CDHR2: variants seen among roughly 807,000 people sequenced by gnomAD.
The protein encoded by CDHR2 is cadherin-related family member 2.
CDHR2 carries 104 observed loss-of-function variants against 138.6 expected under a neutral mutation model. That is an observed-to-expected ratio of 0.75 (90% CI 0.64 to 0.88). The LOEUF is 0.88. Among genes scored for constraint, CDHR2 ranks in the 40% least tolerant of loss-of-function variants. The pLI is 0.00. For missense variants in CDHR2, 1,624 were observed against 1,727.6 expected (o/e 0.94, Z 1.06); for synonymous variants, 755 against 742.8 (o/e 1.02, Z -0.27).
chr5:176,551,077 C>T (rs934892197), intron 1 of CDHR2, among the ~76,000 whole-genome samples: 17 of 152,150 alleles, frequency 1.1e-4, no homozygotes, highest in African/African-American at 3.4e-4. Context: ...GGCGCTATCT[C>T]GGCTCACTGC....
At chr5:176,561,081 G>A (rs147388150) in intron 1 of CDHR2, among the ~76,000 whole-genome samples, 2,348 of 152,266 alleles carry the variant, frequency 0.015, 56 homozygotes, top group African/African-American at 0.053. Flanking sequence ...ACAATGAGAA[G>A]GGCAAGAGAC....
At chr5:176,584,153 T>C (rs763733470) in intron 17 of CDHR2, 37 bp from the exon 18 acceptor site, 2 of 1,586,104 alleles carry the variant, frequency 1.3e-6, no homozygotes, top group Non-Finnish European at 1.7e-6. Flanking sequence ...GAGGGTGAGA[T>C]TGGATCCCGG....
chr5:176,569,434 C>A (rs1758171922), intron 5 of CDHR2, among the ~76,000 whole-genome samples: 1 of 151,960 alleles, frequency 6.6e-6, no homozygotes, highest in Non-Finnish European at 1.5e-5. Flanking sequence ...CAGGCGCCAG[C>A]CACCACGCCC....
Position 176,584,244 on chromosome 5 carries a change from AAGG to A in CDHR2, c.2121_2123del (p.Glu707del). ...TCAGTCCAGCTACAACTTTACGGTG[AAGG>A]AGGAGGATCCAGGTATGTGCTCCCT... On this transcript the variant is annotated inframe_deletion, in exon 18 of 32. Coordinates refer to ENST00000261944, the MANE Select transcript of CDHR2 (RefSeq NM_017675.6). The A allele has an allele frequency of 6.2e-7, 1 of 1,613,938 alleles. No homozygotes were observed. The highest frequency in any genetic ancestry group is 8.5e-7 in the Non-Finnish European group (1 of 1,179,814).
At position 176,584,240 on chromosome 5, in the gene CDHR2, G is replaced by A. The variant is rs755808711; in HGVS notation, c.2109G>A (p.Thr703=). 112 of 1,613,964 alleles carry A rather than the reference G, an allele frequency of 6.9e-5. No homozygotes were observed. Among genetic ancestry groups the A allele is most frequent in the Non-Finnish European group, 8.6e-5 (102 of 1,179,976 alleles). ...PIFNQSSYNF[T]VKEEDPGVLV... is the part of the protein sequence containing the mutation. ...TCAATCAGTCCAGCTACAACTTTAC[G>A]GTGAAGGAGGAGGATCCAGGTATGT... The change falls in exon 18 of 32, where the codon ACG becomes ACA. Residue 703 remains threonine, a synonymous_variant. Coordinates refer to ENST00000261944, the MANE Select transcript of CDHR2 (RefSeq NM_017675.6).
chr5:176,594,390 G>A (rs965320876), intron 31 of CDHR2, among the ~76,000 whole-genome samples: 12 of 152,288 alleles, frequency 7.9e-5, no homozygotes, highest in African/African-American at 2.6e-4. Flanking sequence ...GGAATCTCTT[G>A]GTGCCCTGAC....
intron 17 of CDHR2, 152 bp downstream of exon 17, chr5:176,581,734 C>G (rs1355284565): frequency 7.1e-6 from 7 of 984,052 alleles, no homozygotes; most frequent in Non-Finnish European, 1.0e-5. Flanking sequence ...CTCAACCTCC[C>G]TAGGCACTCA....
intron 16 of CDHR2, 136 bp downstream of exon 16, chr5:176,578,744 C>T (rs759478564): frequency 2.0e-5 from 25 of 1,236,920 alleles, no homozygotes; most frequent in Non-Finnish European, 2.7e-5. Flanking sequence ...CTGTTTCCTC[C>T]CAGGAAATGA....
rs918072333 is a variant in CDHR2 at position 176,543,491 on chromosome 5, G to T, written c.-16+722G>T. On this transcript the variant is annotated intron_variant, in intron 1 of 31. Coordinates refer to the CDHR2 transcript ENST00000510636. The surrounding 1 kb of genome is among the most constrained non-coding windows in gnomAD (Gnocchi z 4.0). ...CCGCGCGAATGGAGCTGCCTGGACC[G>T]CACCACGCGTGCGGGGCGGAGCCTC... is the stretch of plus-strand genomic sequence containing the variant. 1 of 152,026 alleles carries T rather than the reference G, an allele frequency of 6.6e-6. No individual in the cohort carries two copies. The highest frequency in any genetic ancestry group is 2.1e-4 in the South Asian group (1 of 4,832). The allele number at this position is 152,026 out of a possible 1,614,324, so 9.4% of individuals were successfully genotyped here.
At chr5:176,560,954 G>T (rs1757952537) in intron 1 of CDHR2, among the ~76,000 whole-genome samples, 1 of 150,014 alleles carries the variant, frequency 6.7e-6, no homozygotes, top group Admixed American at 6.8e-5. Context: ...CACGTAGCCA[G>T]ATCAGAACCA....
At chr5:176,552,260 ACACAGCTC>A (rs1262206176) in intron 1 of CDHR2, among the ~76,000 whole-genome samples, 1 of 152,238 alleles carries the variant, frequency 6.6e-6, no homozygotes, top group Non-Finnish European at 1.5e-5. Context: ...AACTGCCTGA[ACACAGCTC>A]CACAGCTGAT....
chr5:176,588,808 C>T (rs1237115860), intron 21 of CDHR2, among the ~76,000 whole-genome samples: 1 of 152,000 alleles, frequency 6.6e-6, no homozygotes, highest in Non-Finnish European at 1.5e-5. Flanking sequence ...GGGCAGTGAT[C>T]TGTTTGGAGT....
Position 176,575,368 on chromosome 5 carries a change from T to A in CDHR2, c.710T>A (p.Leu237His), listed in dbSNP as rs1758345816. The A allele has an allele frequency of 6.2e-7, 1 of 1,614,220 alleles. No homozygotes were observed. The highest frequency in any genetic ancestry group is 1.3e-5 in the African/African-American group (1 of 75,060). The change falls in exon 9 of 32, where the codon CTT becomes CAT. Residue 237 changes from leucine to histidine, a missense_variant. This residue lies in a region of CDHR2 where 1,061 missense variants were observed against 1,136.6 expected (regional missense o/e 0.93). Coordinates refer to ENST00000261944, the MANE Select transcript of CDHR2 (RefSeq NM_017675.6). ...ATCTCCGTGGTGGACCAGCCTGACC[T>A]TGACCCCCAGTTTGTCAGGGAGTTT... ...LSISVVDQPD[L>H]DPQFVREFYS... is the part of the protein sequence containing the mutation.
chr5:176,583,165 C>T (rs1250920639), intron 17 of CDHR2, among the ~76,000 whole-genome samples: 1 of 152,160 alleles, frequency 6.6e-6, no homozygotes, highest in Non-Finnish European at 1.5e-5. Context: ...GTTTCTTCAC[C>T]CCTGTGAGCC....
chr5:176,585,031 C>T lies in CDHR2; in HGVS notation c.2734+16C>T, dbSNP rs1758627801. On this transcript the variant is annotated intron_variant, in intron 19 of 31. Transcript: ENST00000261944. The stretch of plus-strand genomic sequence containing the variant: ...AGCAACAATGGTAAGGCAGCCTGTC[C>T]TTGCAGGGCTTGGCAGGCCATAGCT... 2 of 1,532,842 alleles carry T rather than the reference C, an allele frequency of 1.3e-6. No homozygotes were observed. Among genetic ancestry groups the T allele is most frequent in the South Asian group, 2.4e-5 (2 of 83,152 alleles). 95.0% of individuals were successfully genotyped at this position (1,532,842 alleles called of 1,614,324 possible).
chr5:176,588,676 T>A lies in CDHR2; in HGVS notation c.2857-355T>A, dbSNP rs574854282. ...GACAGTGTGTGAGAGTGTGTGTGTGTGAGAGGGTGTGTATGTGAGAGAGAC... is the reference window on the plus strand; with the variant it reads ...GACAGTGTGTGAGAGTGTGTGTGTGAGAGAGGGTGTGTATGTGAGAGAGAC... On this transcript the variant is annotated intron_variant, in intron 21 of 31. Transcript: ENST00000261944. Among the ~76,000 whole-genome samples the A allele has an allele frequency of 5.4e-5, 8 of 148,300 alleles. No individual in the cohort carries two copies. The South Asian group carries it at 6.4e-4, about 12-fold the overall frequency.
intron 31 of CDHR2, among the ~76,000 whole-genome samples, chr5:176,594,022 T>C (rs1758954126): frequency 6.6e-6 from 1 of 152,068 alleles, no homozygotes; most frequent in South Asian, 2.1e-4. Context: ...TCTACTGGAG[T>C]GCATGGCCTG....
chr5:176,572,493 C>T (rs1758261555), intron 6 of CDHR2, among the ~76,000 whole-genome samples: 2 of 152,206 alleles, frequency 1.3e-5, no homozygotes, highest in Non-Finnish European at 2.9e-5. Context: ...CAGCCCAAAG[C>T]CCAGGGCTGA....
intron 1 of CDHR2, among the ~76,000 whole-genome samples, chr5:176,556,522 G>A (rs985114872): frequency 2.0e-5 from 3 of 152,156 alleles, no homozygotes; most frequent in Non-Finnish European, 2.9e-5. Context: ...AAAATTAGCC[G>A]GGTGTGGTGG....
Sources: allele counts gnomAD v4.1 joint callset (sites outside exome capture counted in the v4.1 genomes callset), GRCh38; gene constraint gnomAD v4.1.1; regional missense constraint gnomAD v4.1.1; non-coding constraint Gnocchi (gnomAD v3.1); transcripts MANE v1.5; gene names NCBI Gene and HGNC (gene_info 2026-07-23, HGNC 2026-07-21).